Variants in TANC1 observed in about 807,000 individuals in gnomAD.
TANC1 encodes protein TANC1.
TANC1 carries 77 observed loss-of-function variants against 149.7 expected under a neutral mutation model. The observed-to-expected ratio is 0.51, with a 90% CI of 0.43 to 0.62. The LOEUF is 0.62. Among genes scored for constraint, TANC1 ranks in the 20% least tolerant of loss-of-function variants. The probability of loss-of-function intolerance (pLI) is 0.00; values close to 1 mark genes in which losing one functional copy is unlikely to be tolerated. For synonymous variants in TANC1, 854 were observed against 925.0 expected (o/e 0.92, Z 1.39); for missense variants, 1,985 against 2,321.8 (o/e 0.85, Z 2.98).
At chr2:159,087,718 G>T (rs1028341934) in intron 3 of TANC1, among the ~76,000 whole-genome samples, 1 of 151,630 alleles carries the variant, frequency 6.6e-6, no homozygotes, top group Non-Finnish European at 1.5e-5. Flanking sequence ...GACGGGAGGG[G>T]ACAAGGGTTG....
At chr2:158,989,514 G>C (rs1237817868) in intron 1 of TANC1, among the ~76,000 whole-genome samples, 4 of 151,718 alleles carry the variant, frequency 2.6e-5, no homozygotes, top group Non-Finnish European at 4.4e-5. Flanking sequence ...GAAGGCTGAG[G>C]TGGGAGAATC....
At chr2:159,110,624 A>G (rs1220506206) in intron 4 of TANC1, among the ~76,000 whole-genome samples, 1 of 152,180 alleles carries the variant, frequency 6.6e-6, no homozygotes, top group African/African-American at 2.4e-5. Flanking sequence ...CTTCTGTGGT[A>G]TGTGAAAAGT....
At chr2:159,051,651 T>TTGTGTGTGTGTGTGTGTG (rs58015346) in intron 2 of TANC1, among the ~76,000 whole-genome samples, 6 of 142,968 alleles carry the variant, frequency 4.2e-5, no homozygotes, top group African/African-American at 1.0e-4. Flanking sequence ...GAAGTGGTGT[T>TTGTGTGTGTGTGTGTGTG]TGTGTGTGTG....
intron 4 of TANC1, 52 bp from the exon 5 acceptor site, chr2:159,136,142 C>A: frequency 9.1e-7 from 1 of 1,100,896 alleles, no homozygotes; most frequent in African/African-American, 1.5e-5. Flanking sequence ...CATTCCAAGG[C>A]TTTGTTTGCA....
intron 19 of TANC1, among the ~76,000 whole-genome samples, chr2:159,215,649 G>A (rs925677620): frequency 1.3e-5 from 2 of 152,220 alleles, no homozygotes; most frequent in Admixed American, 6.5e-5. Context: ...CAGAAGGTGC[G>A]CAGGAGACAA....
chr2:159,075,818 A>G (rs1248939639), intron 3 of TANC1, among the ~76,000 whole-genome samples: 1 of 151,876 alleles, frequency 6.6e-6, no homozygotes, highest in East Asian at 1.9e-4. Flanking sequence ...ATTTTAGAAT[A>G]TGTTTTCAAG....
intron 2 of TANC1, among the ~76,000 whole-genome samples, chr2:159,054,138 CTCT>C (rs1263496801): frequency 3.9e-5 from 6 of 152,164 alleles, no homozygotes; most frequent in African/African-American, 1.2e-4. Flanking sequence ...GGGCTGGTCT[CTCT>C]TCTTTTCAAC....
At chr2:158,977,863 CCCG>C (rs1245281847) in intron 1 of TANC1, among the ~76,000 whole-genome samples, 1 of 152,102 alleles carries the variant, frequency 6.6e-6, no homozygotes, top group African/African-American at 2.4e-5. Context: ...TGAACTCCTG[CCCG>C]TCCCTGATAC....
intron 19 of TANC1, among the ~76,000 whole-genome samples, chr2:159,215,415 C>T (rs1419653790): frequency 6.6e-6 from 1 of 152,148 alleles, no homozygotes; most frequent in African/African-American, 2.4e-5. Context: ...TTATGTGGCT[C>T]CTGGAGGTTA....
At chr2:158,989,747 T>C (rs1195127769) in intron 1 of TANC1, among the ~76,000 whole-genome samples, 1 of 152,134 alleles carries the variant, frequency 6.6e-6, no homozygotes, top group East Asian at 1.9e-4. Flanking sequence ...TCAAGTCCCT[T>C]AGGACTGCAT....
At chr2:159,101,261 ATT>A (rs2046668412) in intron 4 of TANC1, among the ~76,000 whole-genome samples, 1 of 152,244 alleles carries the variant, frequency 6.6e-6, no homozygotes, top group South Asian at 2.1e-4. Flanking sequence ...GACTGGAACA[ATT>A]ATTCTTGCAA....
At chr2:159,013,047 CA>C (rs536347936) in intron 2 of TANC1, among the ~76,000 whole-genome samples, 2 of 152,246 alleles carry the variant, frequency 1.3e-5, no homozygotes, top group South Asian at 4.1e-4. Flanking sequence ...AGGTCATAAA[CA>C]AATGACTCTC....
At chr2:159,011,318 T>TA (rs796936680) in intron 2 of TANC1, among the ~76,000 whole-genome samples, 1 of 151,604 alleles carries the variant, frequency 6.6e-6, no homozygotes, top group Admixed American at 6.6e-5. Context: ...TACTTGGAAG[T>TA]AAAACAACAA....
chr2:159,068,432 A>G (rs1410806859), intron 3 of TANC1, among the ~76,000 whole-genome samples: 10 of 152,190 alleles, frequency 6.6e-5, no homozygotes, highest in Admixed American at 6.5e-4. Flanking sequence ...TTTAGGAGAC[A>G]TGTCTAAAAA....
intron 2 of TANC1, among the ~76,000 whole-genome samples, chr2:159,032,945 C>T (rs2149486177): frequency 6.6e-6 from 1 of 152,208 alleles, no homozygotes; most frequent in South Asian, 2.1e-4. Flanking sequence ...CCTACTCTTG[C>T]CTGAATCAAT....
chr2:159,128,392 C>A (rs2049711284), intron 4 of TANC1, among the ~76,000 whole-genome samples: 1 of 152,186 alleles, frequency 6.6e-6, no homozygotes, highest in Non-Finnish European at 1.5e-5. Flanking sequence ...TTTTGTCATT[C>A]CCTGGAGGAG....
chr2:158,980,504 C>T (rs571227624), intron 1 of TANC1, among the ~76,000 whole-genome samples: 3 of 152,134 alleles, frequency 2.0e-5, no homozygotes, highest in Admixed American at 6.5e-5. Flanking sequence ...GGGCTGGGCG[C>T]GGTGGCTCAC....
chr2:159,211,635 G>A (rs1330682488), intron 19 of TANC1, among the ~76,000 whole-genome samples: 1 of 152,242 alleles, frequency 6.6e-6, no homozygotes, highest in Non-Finnish European at 1.5e-5. Context: ...AGTCTCTCTT[G>A]TGTTCGTAAG....
intron 2 of TANC1, among the ~76,000 whole-genome samples, chr2:159,023,672 T>C (rs1171140111): frequency 6.6e-6 from 1 of 151,816 alleles, no homozygotes; most frequent in Non-Finnish European, 1.5e-5. Flanking sequence ...ATTATAGAAA[T>C]TGTCAAAAAT....
Sources: allele counts gnomAD v4.1 joint callset (sites outside exome capture counted in the v4.1 genomes callset), GRCh38; gene constraint gnomAD v4.1.1; transcripts MANE v1.5; gene names NCBI Gene and HGNC (gene_info 2026-07-23, HGNC 2026-07-21).